Variants in BSG observed in about 807,000 individuals in gnomAD.
BSG encodes the protein basigin.
BSG carries 37 observed loss-of-function variants against 43.1 expected under a neutral mutation model. The ratio of observed to expected loss-of-function variants is 0.86; its 90% CI spans 0.66 to 1.13. The LOEUF (loss-of-function observed/expected upper bound fraction) is 1.13. Ranked by LOEUF, BSG falls within the 50% of genes most tolerant of loss-of-function variation. BSG has a pLI of 0.00. For synonymous variants in BSG, 309 were observed against 238.7 expected, an observed-to-expected ratio of 1.29 and a Z score of -2.72; for missense variants, 599 against 554.2, an observed-to-expected ratio of 1.08 and a Z score of -0.81.
intron 6 of BSG, 39 bp from the exon 7 acceptor site, chr19:582,267 C>T (rs1337526353): frequency 1.6e-5 from 25 of 1,604,476 alleles, no homozygotes; most frequent in East Asian, 6.7e-5. Flanking sequence ...GACAGGCTGT[C>T]CTCTCGTCCT....
rs1568349198 is a variant in BSG, at chr19:576,962, T to TGTGTGTGTG, written c.68-812_68-811insGTGTGTGTG. ...TGTGTGTGTTTGCAGACGTGTGTCC[T>TGTGTGTGTG]TGTGTGTGTGTGTGTGTTGTAGCGG... On this transcript the variant is annotated intron_variant, in intron 1 of 8. Coordinates refer to ENST00000333511, the MANE Select transcript of BSG (RefSeq NM_001728.4). Among the ~76,000 whole-genome samples the TGTGTGTGTG allele has an allele frequency of 3.2e-3, 491 of 151,344 alleles. 2 individuals are homozygous for TGTGTGTGTG. The highest frequency in any genetic ancestry group is 0.011 in the East Asian group (55 of 5,116).
At chr19:578,367 C>T (rs1981972863) in intron 2 of BSG, among the ~76,000 whole-genome samples, 1 of 152,122 alleles carries the variant, frequency 6.6e-6, no homozygotes, top group Non-Finnish European at 1.5e-5. Flanking sequence ...GGTCCTCGTC[C>T]TCCCCTCGAC....
chr19:575,983 G>A (rs951814231), intron 1 of BSG, among the ~76,000 whole-genome samples: 5 of 152,182 alleles, frequency 3.3e-5, no homozygotes, highest in Non-Finnish European at 7.4e-5. Context: ...ACAGACACCA[G>A]CATCATCAGC....
rs1395580747 is a variant in BSG, at chr19:582,625, GGGTGGGCGGGAACTCCTGAGCCAGGTGT to G, written c.*5+55_*5+82del. Reference sequence around the variant, plus strand: ...TCCTCCTGAGCCAGGTGTGGTGGGTGGGTGGGCGGGAACTCCTGAGCCAGGTGTGGTGGGCGGGATCTGCTAGCCAGGT... The same window carrying G: ...TCCTCCTGAGCCAGGTGTGGTGGGTGGGTGGGCGGGATCTGCTAGCCAGGT... On this transcript the variant is annotated intron_variant, in intron 8 of 8. Transcript: ENST00000333511. 5.6e-6 allele frequency: 7 copies of G among 1,250,344 alleles called. No homozygotes were observed. The East Asian group carries it at 7.7e-5, about 14-fold the overall frequency. The allele number at this position is 1,250,344 out of a possible 1,614,324, so 77.5% of individuals were successfully genotyped here.
Position 579,599 on chromosome 19 carries a change from T to C in BSG, c.515T>C (p.Leu172Pro). The change falls in exon 3 of 9, where the codon CTG (leucine) becomes CCG (proline). Residue 172 changes from leucine to proline, a missense_variant. By Grantham distance (98) the Leu-to-Pro change is moderately conservative. Coordinates refer to ENST00000333511, the MANE Select transcript of BSG (RefSeq NM_001728.4). ...ACAGAGGTCACAGGGCACCGCTGGC[T>C]GAAGGGGGGCGTGGTGCTGAAGGAG... ...SATEVTGHRW[L>P]KGGVVLKEDA... 1 of 1,612,562 alleles carries C rather than the reference T, an allele frequency of 6.2e-7. No homozygotes were observed. Among genetic ancestry groups the C allele is most frequent in the Non-Finnish European group, 8.5e-7 (1 of 1,179,860 alleles).
intron 2 of BSG, chr19:579,126 G>A (rs781671888): frequency 8.5e-6 from 4 of 469,072 alleles, no homozygotes; most frequent in South Asian, 3.1e-5. Flanking sequence ...GCTCAGGGAC[G>A]TGGGTGGGTG....
chr19:582,610 C>A, intron 8 of BSG, 28 bp downstream of exon 8: 1 of 105,542 alleles, frequency 9.5e-6, no homozygotes, highest in Non-Finnish European at 2.0e-5. Context: ...TCCTCCTGAG[C>A]CAGGTGTGGT....
chr19:577,641 T>C, intron 1 of BSG, 133 bp from the exon 2 acceptor site: 1 of 708,612 alleles, frequency 1.4e-6, no homozygotes. Context: ...GCCCCATCAC[T>C]CTCCCACAAG....
Position 580,734 on chromosome 19 carries a change from A to C in BSG, c.744A>C (p.Pro248=). 1 of 1,612,782 alleles carries C rather than the reference A, an allele frequency of 6.2e-7. No homozygotes were observed. Among genetic ancestry groups the C allele is most frequent in the African/African-American group, 1.3e-5 (1 of 75,034 alleles). The change falls in exon 5 of 9, where the codon CCA becomes CCC. Residue 248 remains proline, a synonymous_variant. Coordinates refer to ENST00000333511, the MANE Select transcript of BSG (RefSeq NM_001728.4). ...TGGTCTGCAAGTCAGAGTCCGTGCC[A>C]CCTGTCACTGACTGGGCCTGGTACA... ...AMLVCKSESV[P]PVTDWAWYKI... is the part of the protein sequence containing the mutation.
rs41276868 is a variant in BSG at position 579,254 on chromosome 19, G to A, written c.416-246G>A. ...CAGGGCCCGCCAGCTGCCAGCGAAG[G>A]GTGCCTTCCCGAAGGGGGTGCCTTC... is the stretch of plus-strand genomic sequence containing the variant. On this transcript the variant is annotated intron_variant, in intron 2 of 8. Coordinates refer to ENST00000333511, the MANE Select transcript of BSG (RefSeq NM_001728.4). 3.8e-3 allele frequency: 1,760 copies of A among 466,768 alleles called. 4 individuals carry two copies. The highest frequency in any genetic ancestry group is 4.6e-3 in the Non-Finnish European group (1,262 of 272,762). 28.9% of individuals were successfully genotyped at this position (466,768 alleles called of 1,614,324 possible). A position where few individuals can be genotyped will look rare whatever the true frequency, so the allele number is the denominator to read the frequency against.
chr19:580,413 T>C lies in BSG; in HGVS notation c.607T>C (p.Cys203Arg). Reference protein sequence around the residue: ...DSDDQWGEYSCVFLPEPMGTA... With the variant: ...DSDDQWGEYSRVFLPEPMGTA... ...CGACGACCAGTGGGGAGAGTACTCC[T>C]GCGTCTTCCTCCCCGAGCCCATGGG... Residue 203 changes from cysteine to arginine, a missense_variant, in exon 4 of 9, where the codon TGC becomes CGC. Cys to Arg is a radical substitution (Grantham distance 180, BLOSUM62 -3). Coordinates refer to ENST00000333511, the MANE Select transcript of BSG (RefSeq NM_001728.4). The C allele has an allele frequency of 6.2e-7, 1 of 1,611,330 alleles. No individual in the cohort carries two copies. Among genetic ancestry groups the C allele is most frequent in the Non-Finnish European group, 8.5e-7 (1 of 1,179,932 alleles).
At chr19:579,692 C>T (rs1299713398) in intron 3 of BSG, 36 bp downstream of exon 3, 4 of 1,573,990 alleles carry the variant, frequency 2.5e-6, no homozygotes, top group Admixed American at 1.8e-5. Context: ...CCACCTGCCC[C>T]TTCTCACGGC....
intron 6 of BSG, 29 bp from the exon 7 acceptor site, chr19:582,277 T>C: frequency 6.2e-7 from 1 of 1,605,302 alleles, no homozygotes; most frequent in African/African-American, 1.3e-5. Flanking sequence ...CCTCTCGTCC[T>C]CTTTTTCATG....
intron 1 of BSG, among the ~76,000 whole-genome samples, chr19:575,730 G>A (rs1199460708): frequency 2.0e-5 from 3 of 152,126 alleles, no homozygotes; most frequent in Non-Finnish European, 2.9e-5. Context: ...TTTAGATGAA[G>A]GTGACTTTAC....
chr19:576,623 T>G (rs1034232424), intron 1 of BSG, among the ~76,000 whole-genome samples: 10 of 152,164 alleles, frequency 6.6e-5, no homozygotes, highest in African/African-American at 2.4e-4. Context: ...TAGCTGAGTG[T>G]GGTGGCAGGC....
rs761969359 is a variant in BSG, at chr19:579,520, G to T, written c.436G>T (p.Val146Leu). The T allele has an allele frequency of 1.9e-6, 3 of 1,612,676 alleles. No individual in the cohort carries two copies. ...VLEPGTVFTTVEDLGSKILLT... is the reference protein window; with the variant it reads ...VLEPGTVFTTLEDLGSKILLT... Reference sequence around the variant, plus strand: ...TGCAGCCGGCACAGTCTTCACTACCGTAGAAGACCTTGGCTCCAAGATACT... The same window carrying T: ...TGCAGCCGGCACAGTCTTCACTACCTTAGAAGACCTTGGCTCCAAGATACT... The change falls in exon 3 of 9, where the codon GTA (valine) becomes TTA (leucine). Residue 146 changes from valine (V) to leucine (L), a missense_variant. Coordinates refer to ENST00000333511, the MANE Select transcript of BSG (RefSeq NM_001728.4).
Position 582,834 on chromosome 19 carries a change from C to T in BSG, c.*90C>T. 4 of 555,632 alleles carry T rather than the reference C, an allele frequency of 7.2e-6. No individual in the cohort carries two copies. The highest frequency in any genetic ancestry group is 7.1e-5 in the South Asian group (3 of 42,082). 34.4% of individuals were successfully genotyped at this position (555,632 alleles called of 1,614,324 possible). A position where few individuals can be genotyped will look rare whatever the true frequency, so the allele number is the denominator to read the frequency against. ...CTTGCAAGATTCCAAGTTCTCACCT[C>T]TTAAAGAAAACCCACCCCGTAGATT... On this transcript the variant is annotated 3_prime_UTR_variant, in exon 9 of 9. Coordinates refer to ENST00000333511, the MANE Select transcript of BSG (RefSeq NM_001728.4).
chr19:580,082 T>G, intron 3 of BSG: 1 of 447,238 alleles, frequency 2.2e-6, no homozygotes, highest in Non-Finnish European at 4.0e-6. Context: ...GAGCCTTTTG[T>G]TTTCAGGCTG....
intron 2 of BSG, chr19:579,064 G>T (rs1982038849): frequency 2.2e-6 from 1 of 458,012 alleles, no homozygotes; most frequent in South Asian, 1.5e-5. Flanking sequence ...TTTTAGAAAA[G>T]AATTTCCAGT....
Sources: gnomAD v4.1 joint callset for allele counts (sites outside exome capture counted in the v4.1 genomes callset) on GRCh38, gnomAD v4.1.1 for gene constraint, MANE v1.5 for transcripts, NCBI Gene and HGNC (gene_info 2026-07-23, HGNC 2026-07-21) for gene names.